GABRR1: variants seen among roughly 807,000 people sequenced by gnomAD.
GABRR1 encodes the protein gamma-aminobutyric acid type A receptor subunit rho1.
A neutral mutation model predicts 55.5 loss-of-function variants in GABRR1; 59 were observed. That is an observed-to-expected ratio of 1.06 (90% confidence interval 0.86 to 1.32). The LOEUF is 1.32. GABRR1 is among the 40% of genes most tolerant of loss of function. The pLI is 0.00. For synonymous variants in GABRR1, 213 were observed against 226.0 expected, an observed-to-expected ratio of 0.94 and a Z score of 0.51; for missense variants, 602 against 619.1, an observed-to-expected ratio of 0.97 and a Z score of 0.29.
intron 3 of GABRR1, among the ~76,000 whole-genome samples, chr6:89,200,756 C>T (rs978829679): frequency 2.0e-5 from 3 of 152,220 alleles, no homozygotes; most frequent in Non-Finnish European, 2.9e-5. Flanking sequence ...CACATTCCAC[C>T]GTAAGATACA....
At position 89,180,300 on chromosome 6, in the gene GABRR1, G is replaced by T. The variant is rs778032711; in HGVS notation, c.1138C>A (p.Arg380=). Residue 380 remains arginine (R), a synonymous_variant, in exon 9 of 10, where the codon CGG becomes AGG. Transcript: ENST00000454853. ...GCGCATGGCAAAGTCACCTTCTCCCGCAGCTTCTGTTCCTTCCTCTCCTGC... is the reference window on the plus strand; with the variant it reads ...GCGCATGGCAAAGTCACCTTCTCCCTCAGCTTCTGTTCCTTCCTCTCCTGC... ...TVQERKEQKL[R]EKLPCTSGLP... is the part of the protein sequence containing the mutation. The T allele has an allele frequency of 6.2e-7, 1 of 1,612,608 alleles. No homozygotes were observed.
At chr6:89,186,619 G>T (rs931127299) in intron 6 of GABRR1, among the ~76,000 whole-genome samples, 1 of 152,234 alleles carries the variant, frequency 6.6e-6, no homozygotes, top group African/African-American at 2.4e-5. Flanking sequence ...CTGAAAAAAG[G>T]CTACATTCCA....
At chr6:89,221,020 A>C (rs1404533534), upstream of GABRR1, among the ~76,000 whole-genome samples, 2 of 151,986 alleles carry the variant, frequency 1.3e-5, no homozygotes. Context: ...GCGCCTGGCC[A>C]AAAACACTAT....
chr6:89,203,624 C>G, intron 1 of GABRR1, 139 bp from the exon 2 acceptor site: 1 of 679,958 alleles, frequency 1.5e-6, no homozygotes, highest in Non-Finnish European at 2.6e-6. Context: ...TACGAAGATT[C>G]AATGCATTCA....
Position 89,217,249 on chromosome 6 carries a change from C to G in GABRR1, c.74G>C (p.Arg25Thr). The change falls in exon 1 of 10, where the codon AGA becomes ACA. Residue 25 changes from arginine to threonine, a missense_variant. Arg to Thr is a moderately conservative substitution (Grantham distance 71, BLOSUM62 -1). Transcript: ENST00000454853. Reference protein sequence around the residue: ...WWGWVLATESRMHWPGREVHE... With the variant: ...WWGWVLATESTMHWPGREVHE... ...GACTTCTCTTCCGGGCCAGTGCATT[C>G]TGCTTTCAGTGGCCAAAACCCATCC... The G allele has an allele frequency of 6.2e-7, 1 of 1,614,116 alleles. No individual in the cohort carries two copies. The highest frequency in any genetic ancestry group is 1.1e-5 in the South Asian group (1 of 91,080).
intron 2 of GABRR1, 137 bp downstream of exon 2, chr6:89,203,298 C>T: frequency 5.0e-6 from 4 of 800,242 alleles, no homozygotes; most frequent in Admixed American, 2.0e-5. Context: ...CTTTCAGGCT[C>T]CCCTTCCTCT....
chr6:89,204,380 C>T (rs1314362252), intron 1 of GABRR1, among the ~76,000 whole-genome samples: 1 of 152,220 alleles, frequency 6.6e-6, no homozygotes, highest in East Asian at 1.9e-4. Context: ...AGGCGATGGG[C>T]CATCACAGTT....
At chr6:89,183,158 G>GA (rs1373465662) in intron 7 of GABRR1, among the ~76,000 whole-genome samples, 1 of 37,298 alleles carries the variant, frequency 2.7e-5, no homozygotes, top group African/African-American at 8.9e-5. Context: ...AAAAAAAAAA[G>GA]ACAAAAAAAA....
rs907783866 is a variant in GABRR1, at chr6:89,217,253, T to C, written c.70A>G (p.Ser24Gly). 5.6e-6 allele frequency: 9 copies of C among 1,614,000 alleles called. No individual in the cohort carries two copies. The highest frequency in any genetic ancestry group is 7.6e-6 in the Non-Finnish European group (9 of 1,179,994). The change falls in exon 1 of 10, where the codon AGC becomes GGC. Residue 24 changes from serine (S) to glycine (G), a missense_variant. Ser to Gly is a moderately conservative substitution (Grantham distance 56). Transcript: ENST00000454853. ...TCTCTTCCGGGCCAGTGCATTCTGC[T>C]TTCAGTGGCCAAAACCCATCCCCAC... ...LWWGWVLATE[S>G]RMHWPGREVH...
chr6:89,186,580 T>G (rs1771909107), intron 6 of GABRR1, among the ~76,000 whole-genome samples: 1 of 152,238 alleles, frequency 6.6e-6, no homozygotes, highest in Non-Finnish European at 1.5e-5. Flanking sequence ...CTGGTTCTGT[T>G]TATCTGGCGG....
At chr6:89,209,151 T>TAA (rs149738093) in intron 1 of GABRR1, among the ~76,000 whole-genome samples, 5 of 151,542 alleles carry the variant, frequency 3.3e-5, no homozygotes, top group South Asian at 2.1e-4. Flanking sequence ...GTTGCGGGCT[T>TAA]AAAAAAAAAT....
chr6:89,201,165 A>G lies in GABRR1; in HGVS notation c.274T>C (p.Phe92Leu). The G allele has an allele frequency of 6.2e-7, 1 of 1,613,162 alleles. No homozygotes were observed. ...GAGAGCACACATCCCATACCTCCAA[A>G]GCCAGGCCTCATGCTGAAATCATGG... ...DDHDFSMRPG[F>L]GGPAIPVGVD... The change falls in exon 3 of 10, where the codon TTT becomes CTT. Residue 92 changes from phenylalanine to leucine, a missense_variant. Around this residue, in one of 3 missense-constraint regions of GABRR1, gnomAD observed 435 missense variants for 424.2 expected, o/e 1.03. Coordinates refer to ENST00000454853, the MANE Select transcript of GABRR1 (RefSeq NM_002042.5).
At chr6:89,181,248 C>A (rs1327697499) in intron 8 of GABRR1, among the ~76,000 whole-genome samples, 1 of 152,158 alleles carries the variant, frequency 6.6e-6, no homozygotes. Context: ...TCTTAAGGGC[C>A]AGCTCCAATC....
At chr6:89,181,547 A>G (rs915235647) in intron 8 of GABRR1, among the ~76,000 whole-genome samples, 17 of 152,166 alleles carry the variant, frequency 1.1e-4, no homozygotes, top group African/African-American at 4.1e-4. Flanking sequence ...TCCCACAAAG[A>G]TTCTATCACA....
chr6:89,194,194 G>C (rs1772188167), intron 5 of GABRR1, among the ~76,000 whole-genome samples: 1 of 152,298 alleles, frequency 6.6e-6, no homozygotes, highest in East Asian at 1.9e-4. Context: ...CAGAGTGGCT[G>C]TTCAGTAGCA....
In GABRR1 at chr6:89,197,832, A is replaced by G. The variant is rs930899569; in HGVS notation, c.572+188T>C. Among the ~76,000 whole-genome samples, 10 of 152,232 alleles carry G rather than the reference A, an allele frequency of 6.6e-5. 1 individual carries two copies. Among genetic ancestry groups the G allele is most frequent in the African/African-American group, 1.2e-4 (5 of 41,476 alleles). Reference sequence around the variant, plus strand: ...AGTATCAGTTTGAGAAATTGCCCCAAAGGTATTTTCAAGACTGAATAATTC... The same window carrying G: ...AGTATCAGTTTGAGAAATTGCCCCAGAGGTATTTTCAAGACTGAATAATTC... On this transcript the variant is annotated intron_variant, in intron 5 of 9. Coordinates refer to ENST00000454853, the MANE Select transcript of GABRR1 (RefSeq NM_002042.5).
chr6:89,181,965 T>G lies in GABRR1; in HGVS notation c.889A>C (p.Met297Leu). Residue 297 changes from methionine to leucine, a missense_variant, in exon 8 of 10, where the codon ATG (methionine) becomes CTG (leucine). Physicochemically the swap from Met to Leu is conservative, Grantham distance 15. Coordinates refer to ENST00000454853, the MANE Select transcript of GABRR1 (RefSeq NM_002042.5). ...QTYFPATLMV[M>L]LSWVSFWIDR... ...ATCCAGAAGGACACCCAGGACAGCA[T>G]GACCATCAGGGTAGCGGGGAAATAA... The G allele has an allele frequency of 1.2e-6, 2 of 1,614,118 alleles. No homozygotes were observed. The highest frequency in any genetic ancestry group is 1.7e-6 in the Non-Finnish European group (2 of 1,180,016).
At position 89,190,208 on chromosome 6, in the gene GABRR1, T is replaced by G; in HGVS notation, c.612A>C (p.Arg204=). 4 of 1,611,810 alleles carry G rather than the reference T, an allele frequency of 2.5e-6. No individual in the cohort carries two copies. The highest frequency in any genetic ancestry group is 3.4e-6 in the Non-Finnish European group (4 of 1,178,968). ...AGCACGTTTGTGTGTCCAAGGGAAA[T>G]CGGCTGAAGTCCATGTTGCACATTG... ...VTAMCNMDFS[R]FPLDTQTCSL... The change falls in exon 6 of 10, where the codon CGA becomes CGC. Residue 204 remains arginine, a synonymous_variant. Transcript: ENST00000454853.
Position 89,217,358 on chromosome 6 carries a change from G to A in GABRR1, c.-36C>T. The A allele has an allele frequency of 1.9e-6, 3 of 1,606,312 alleles. No individual in the cohort carries two copies. The South Asian group carries it at 3.3e-5, about 18-fold the overall frequency. ...ATTCAAACAGCTCTCTCCAGAAACA[G>A]CAAAAAGGAAAAGATTGTTCTTTTT... On this transcript the variant is annotated 5_prime_UTR_variant, in exon 1 of 10. Coordinates refer to ENST00000454853, the MANE Select transcript of GABRR1 (RefSeq NM_002042.5).
Sources: allele counts gnomAD v4.1 joint callset (sites outside exome capture counted in the v4.1 genomes callset), GRCh38; gene constraint gnomAD v4.1.1; regional missense constraint gnomAD v4.1.1; transcripts MANE v1.5; gene names NCBI Gene and HGNC (gene_info 2026-07-23, HGNC 2026-07-21).